The following SPG11 variants were observed in gnomAD, a reference collection of about 807,000 sequenced individuals.
SPG11 encodes SPG11 vesicle trafficking associated, spatacsin, also known as spatacsin.
SPG11 carries 222 observed loss-of-function variants against 274.0 expected under a neutral mutation model. That is an observed-to-expected ratio of 0.81 (90% confidence interval 0.73 to 0.91). The LOEUF (loss-of-function observed/expected upper bound fraction) is 0.91, where lower values mean the gene tolerates loss of function less well. Among genes scored for constraint, SPG11 ranks in the 40% least tolerant of loss-of-function variants. The pLI is 0.00. For missense variants in SPG11, 3,114 were observed against 2,872.7 expected, an observed-to-expected ratio of 1.08 and a Z score of -1.92; for synonymous variants, 1,144 against 1,039.7, an observed-to-expected ratio of 1.10 and a Z score of -1.93.
intron 17 of SPG11, 63 bp downstream of exon 17, chr15:44,613,366 AC>A: frequency 9.6e-7 from 1 of 1,037,216 alleles, no homozygotes; most frequent in Non-Finnish European, 1.5e-6. Flanking sequence ...CAAGTTTAAT[AC>A]CATTCAACAG....
At chr15:44,627,976 C>T (rs1043304048) in intron 10 of SPG11, among the ~76,000 whole-genome samples, 1 of 152,202 alleles carries the variant, frequency 6.6e-6, no homozygotes, top group African/African-American at 2.4e-5. Context: ...ACCCCAAGAA[C>T]AGCAATCTTA....
intron 9 of SPG11, 118 bp from the exon 10 acceptor site, chr15:44,628,962 A>G (rs2083980194): frequency 9.4e-7 from 1 of 1,062,042 alleles, no homozygotes; most frequent in Non-Finnish European, 1.4e-6. Context: ...AATTTCAAAC[A>G]ATATGTCTGA....
intron 20 of SPG11, among the ~76,000 whole-genome samples, chr15:44,604,388 T>C (rs973806339): frequency 4.6e-5 from 7 of 152,198 alleles, no homozygotes; most frequent in African/African-American, 1.7e-4. Flanking sequence ...TGCTGAGCGT[T>C]TGTAAGGCAC....
rs758866997 is a variant in SPG11, at chr15:44,584,340, C to T, written c.5340G>A (p.Gly1780=). The change falls in exon 30 of 40, where the codon GGG becomes GGA. Residue 1780 remains glycine (G), a synonymous_variant. Coordinates refer to ENST00000261866, the MANE Select transcript of SPG11 (RefSeq NM_025137.4). ...CCACGTCCTCCTGGGCAAGCCAGTG[C>T]CCTGCCAAGGTGAGCAGCAGATGGC... ...EERHLLLTLA[G]HWLAQEDVVP... is the part of the protein sequence containing the mutation. 4 of 1,610,818 alleles carry T rather than the reference C, an allele frequency of 2.5e-6. No individual in the cohort carries two copies. The East Asian group carries it at 6.7e-5, about 27-fold the overall frequency.
intron 7 of SPG11, among the ~76,000 whole-genome samples, chr15:44,641,566 GA>G (rs1253697541): frequency 9.2e-6 from 1 of 108,488 alleles, no homozygotes; most frequent in Admixed American, 1.0e-4. Context: ...ACTTATGAAA[GA>G]AAAAAAATCC....
chr15:44,659,615 A>G (rs1193192163), intron 2 of SPG11, among the ~76,000 whole-genome samples: 1 of 152,162 alleles, frequency 6.6e-6, no homozygotes, highest in Non-Finnish European at 1.5e-5. Flanking sequence ...TAAAAGAAAA[A>G]AAGAAGAAAC....
chr15:44,566,077 C>A (rs978733718), intron 37 of SPG11, 68 bp from the exon 38 acceptor site: 3 of 1,601,682 alleles, frequency 1.9e-6, no homozygotes, highest in Non-Finnish European at 2.6e-6. Flanking sequence ...TGAACCCTCA[C>A]AACGGTATTC....
chr15:44,658,140 G>A (rs144761006), intron 3 of SPG11, among the ~76,000 whole-genome samples: 1 of 152,336 alleles, frequency 6.6e-6, no homozygotes, highest in East Asian at 1.9e-4. Context: ...TCTGGACAGT[G>A]CAGTTCCATA....
At chr15:44,564,869 T>G (rs916345337) in intron 38 of SPG11, among the ~76,000 whole-genome samples, 171 bp from the exon 39 acceptor site, 12 of 152,168 alleles carry the variant, frequency 7.9e-5, no homozygotes, top group Admixed American at 6.5e-4. Flanking sequence ...AGGTGTGTGT[T>G]TGGCATTTTC....
At position 44,589,401 on chromosome 15, in the gene SPG11, G is replaced by C. The variant is rs1332100392; in HGVS notation, c.4757C>G (p.Ala1586Gly). Residue 1586 changes from alanine to glycine, a missense_variant, in exon 28 of 40, where the codon GCC becomes GGC. By Grantham distance (60) the Ala-to-Gly change is moderately conservative. Coordinates refer to ENST00000261866, the MANE Select transcript of SPG11 (RefSeq NM_025137.4). ...QKSLETLNTA[A>G]TKVHPVIPAM... is the part of the protein sequence containing the mutation. ...AGGGATGACAGGGTGGACCTTTGTG[G>C]CTGCTGTGTTAAGCTATGAAAGAAA... 4 of 1,614,100 alleles carry C rather than the reference G, an allele frequency of 2.5e-6. No individual in the cohort carries two copies. The African/African-American group carries it at 4.0e-5, about 16-fold the overall frequency.
chr15:44,644,552 T>G (rs1344290415), intron 7 of SPG11, among the ~76,000 whole-genome samples: 7 of 152,162 alleles, frequency 4.6e-5, no homozygotes, highest in Non-Finnish European at 1.0e-4. Context: ...CTATTCAACA[T>G]AGTACTGGAT....
At chr15:44,636,934 A>C (rs1160018657) in intron 7 of SPG11, among the ~76,000 whole-genome samples, 195 of 122,430 alleles carry the variant, frequency 1.6e-3, no homozygotes, top group South Asian at 5.4e-3. Context: ...TCAAAAAAAA[A>C]AAAAAAAAAA....
Position 44,572,694 on chromosome 15 carries a change from T to TC in SPG11, c.6331dup (p.Glu2111GlyfsTer38). 2 of 1,614,100 alleles carry TC rather than the reference T, an allele frequency of 1.2e-6. No homozygotes were observed. The highest frequency in any genetic ancestry group is 1.6e-4 in the Middle Eastern group (1 of 6,062). ...GGTCAATAACTTACTGCAAGACAGT[T>TC]CCCCATGGGGAACGGAGGAAATCTT... On this transcript the variant is annotated frameshift_variant, in exon 33 of 40. Transcript: ENST00000261866. LOFTEE classifies it high-confidence loss of function.
rs1157530441 is a variant in SPG11, at chr15:44,613,505, T to C, written c.3070A>G (p.Lys1024Glu). Reference sequence around the variant, plus strand: ...GGGTGTGCTTCATGTAACTCTTTTTTTTCCAAAAAGGGACAATTTTCAGGA... The same window carrying C: ...GGGTGTGCTTCATGTAACTCTTTTTCTTCCAAAAAGGGACAATTTTCAGGA... ...LSPENCPFLEKKELHEAHPWF... is the reference protein window; with the variant it reads ...LSPENCPFLEEKELHEAHPWF... Residue 1024 changes from lysine (K) to glutamate (E), a missense_variant, in exon 17 of 40, where the codon AAA (lysine) becomes GAA (glutamate). By Grantham distance (56) the Lys-to-Glu change is moderately conservative. Transcript: ENST00000261866. 1 of 1,613,874 alleles carries C rather than the reference T, an allele frequency of 6.2e-7. No homozygotes were observed. Among genetic ancestry groups the C allele is most frequent in the Admixed American group, 1.7e-5 (1 of 60,000 alleles).
At position 44,574,892 on chromosome 15, in the gene SPG11, T is replaced by G. The variant is rs2140931300; in HGVS notation, c.6006+10A>C. ...TCTCAGAAAGAGGAGCCCCACCCCT[T>G]GGCACATACCTTGGCAAGATCATAC... On this transcript the variant is annotated intron_variant, in intron 31 of 39. Coordinates refer to ENST00000261866, the MANE Select transcript of SPG11 (RefSeq NM_025137.4). The G allele has an allele frequency of 1.2e-6, 2 of 1,613,664 alleles. No homozygotes were observed. Among genetic ancestry groups the G allele is most frequent in the Non-Finnish European group, 1.7e-6 (2 of 1,179,986 alleles).
In SPG11 at chr15:44,660,545, T is replaced by C. The variant is rs200665034; in HGVS notation, c.329A>G (p.Asn110Ser). ...AAATTCATAGATAAGCAGTTCATAA[T>C]TTTCACCAAGAGCGAGCAGTTTGGG... is the stretch of plus-strand genomic sequence containing the variant. Reference protein sequence around the residue: ...EKPKLLALGENYELLIYEFNL... With the variant: ...EKPKLLALGESYELLIYEFNL... The change falls in exon 2 of 40, where the codon AAT becomes AGT. Residue 110 changes from asparagine to serine, a missense_variant. Coordinates refer to ENST00000261866, the MANE Select transcript of SPG11 (RefSeq NM_025137.4). The C allele has an allele frequency of 1.1e-5, 17 of 1,614,194 alleles. No homozygotes were observed. The East Asian group carries it at 3.6e-4, about 34-fold the overall frequency.
rs2083444158 is a variant in SPG11, at chr15:44,610,962, T to C, written c.3169A>G (p.Ser1057Gly). The C allele has an allele frequency of 6.2e-7, 1 of 1,613,996 alleles. No individual in the cohort carries two copies. Among genetic ancestry groups the C allele is most frequent in the African/African-American group, 1.3e-5 (1 of 74,986 alleles). The stretch of plus-strand genomic sequence containing the variant: ...ATCAAAATCTGAGCATTTGCAAGGC[T>C]AGCCTGGAAGATCAGTTTGGGATCT... ...LTDPKLIFQA[S>G]LANAQILIPT... The change falls in exon 18 of 40, where the codon AGC (serine) becomes GGC (glycine). Residue 1057 changes from serine to glycine, a missense_variant. Coordinates refer to ENST00000261866, the MANE Select transcript of SPG11 (RefSeq NM_025137.4).
chr15:44,571,343 C>A (rs981138611), intron 33 of SPG11, among the ~76,000 whole-genome samples: 3 of 152,122 alleles, frequency 2.0e-5, no homozygotes, highest in African/African-American at 7.2e-5. Context: ...CTGGCTCTTA[C>A]TGTGTATTAA....
Position 44,606,103 on chromosome 15 carries a change from GA to G in SPG11, c.3454-13del. 1 of 1,612,806 alleles carries G rather than the reference GA, an allele frequency of 6.2e-7. No individual in the cohort carries two copies. On this transcript the variant is annotated splice_polypyrimidine_tract_variant and intron_variant, in intron 19 of 39. Coordinates refer to ENST00000261866, the MANE Select transcript of SPG11 (RefSeq NM_025137.4). Reference sequence around the variant, plus strand: ...AAGGGTGATAATGACTGAAAAAGGGGAAAAGTTAAACAGAATTAGAAGTTCA... The same window carrying G: ...AAGGGTGATAATGACTGAAAAAGGGGAAAGTTAAACAGAATTAGAAGTTCA...
Sources: gnomAD v4.1 joint callset for allele counts (sites outside exome capture counted in the v4.1 genomes callset) on GRCh38, gnomAD v4.1.1 for gene constraint, MANE v1.5 for transcripts, NCBI Gene and HGNC (gene_info 2026-07-23, HGNC 2026-07-21) for gene names.